The following NCKAP5 variants were observed in gnomAD, a reference collection of about 807,000 sequenced individuals.
The protein encoded by NCKAP5 is nck-associated protein 5.
A neutral mutation model predicts 167.0 loss-of-function variants in NCKAP5; 92 were observed. The observed-to-expected ratio is 0.55, with a 90% CI of 0.47 to 0.66. The LOEUF (loss-of-function observed/expected upper bound fraction) is 0.66, where lower values mean the gene tolerates loss of function less well. Ranked by LOEUF, NCKAP5 falls within the 30% of genes least tolerant of loss-of-function variation. NCKAP5 has a pLI of 0.00. For missense variants in NCKAP5, 2,378 were observed against 2,315.0 expected, an observed-to-expected ratio of 1.03 and a Z score of -0.56; for synonymous variants, 891 against 877.4, an observed-to-expected ratio of 1.02 and a Z score of -0.27.
At chr2:132,701,023 G>A (rs1470148403) in intron 19 of NCKAP5, among the ~76,000 whole-genome samples, 1 of 150,640 alleles carries the variant, frequency 6.6e-6, no homozygotes, top group Non-Finnish European at 1.5e-5. Flanking sequence ...ATAGGTCTGT[G>A]GGTAGGAAGC....
chr2:132,889,698 C>T (rs1055162440), intron 8 of NCKAP5, among the ~76,000 whole-genome samples: 8 of 152,116 alleles, frequency 5.3e-5, no homozygotes, highest in Admixed American at 6.5e-5. Flanking sequence ...AAAATGACAC[C>T]TGACTTGTAT....
the NCKAP5 span, among the ~76,000 whole-genome samples, chr2:133,662,358 GTATA>G: frequency 6.6e-6 from 1 of 151,818 alleles, no homozygotes; most frequent in Non-Finnish European, 1.5e-5. Context: ...TTTTAAGTGT[GTATA>G]TGGCCTTTCT....
At chr2:133,447,858 G>T (rs1691303391) in intron 3 of NCKAP5, among the ~76,000 whole-genome samples, 1 of 152,068 alleles carries the variant, frequency 6.6e-6, no homozygotes, top group Admixed American at 6.6e-5. Context: ...CCTTCATCAG[G>T]GTTCTCTAAA....
intron 3 of NCKAP5, among the ~76,000 whole-genome samples, chr2:133,515,116 C>G (rs1461122810): frequency 6.6e-6 from 1 of 152,052 alleles, no homozygotes; most frequent in Admixed American, 6.6e-5. Flanking sequence ...AGTTCAGATC[C>G]CTCACAGGCC....
intron 4 of NCKAP5, among the ~76,000 whole-genome samples, chr2:133,269,255 T>C (rs2089399796): frequency 6.6e-6 from 1 of 152,212 alleles, no homozygotes; most frequent in Admixed American, 6.5e-5. Flanking sequence ...TTTTTTACCT[T>C]GTGGAGCTTA....
chr2:133,064,005 T>A (rs935252325), intron 6 of NCKAP5, among the ~76,000 whole-genome samples: 1 of 152,168 alleles, frequency 6.6e-6, no homozygotes, highest in Non-Finnish European at 1.5e-5. Flanking sequence ...CATCGTTTCT[T>A]AGCAGTTGTT....
In NCKAP5 at chr2:132,782,897, G is replaced by T. The variant is rs1360827346; in HGVS notation, c.3914C>A (p.Thr1305Asn). 6.2e-7 allele frequency: 1 copy of T among 1,614,010 alleles called. No homozygotes were observed. Among genetic ancestry groups the T allele is most frequent in the South Asian group, 1.1e-5 (1 of 91,078 alleles). ...GGTAAGAGAATTGCCTCTCTCGGCG[G>T]TATTGGTAATGATCTGAGTGCGGAC... ...GKVRTQIITN[T>N]AERGNSLTRQ... is the part of the protein sequence containing the mutation. The change falls in exon 14 of 20, where the codon ACC (threonine) becomes AAC (asparagine). Residue 1305 changes from threonine (T) to asparagine (N), a missense_variant. By Grantham distance (65) the Thr-to-Asn change is moderately conservative (BLOSUM62 0). Around this residue, in one of 3 missense-constraint regions of NCKAP5, gnomAD observed 1,325 missense variants for 1,274.5 expected, o/e 1.04. Coordinates refer to ENST00000409261, the MANE Select transcript of NCKAP5 (RefSeq NM_207363.3).
chr2:133,526,267 GGGAGGGAGGGAAGGAGGGAGGGAGGGAA>G, intron 2 of NCKAP5, among the ~76,000 whole-genome samples: 1 of 37,616 alleles, frequency 2.7e-5, no homozygotes, highest in Non-Finnish European at 5.3e-5. Flanking sequence ...GAGGGAAGGA[GGGAGGGAGGGAAGGAGGGAGGGAGGGAA>G]GGAGGGAGGG....
the NCKAP5 span, among the ~76,000 whole-genome samples, chr2:133,585,875 T>A: frequency 6.6e-6 from 1 of 152,216 alleles, no homozygotes; most frequent in South Asian, 2.1e-4. Context: ...TTCAGAAATA[T>A]TTCTAGAGAA....
At chr2:133,266,670 C>T (rs955768342) in intron 4 of NCKAP5, among the ~76,000 whole-genome samples, 2 of 152,164 alleles carry the variant, frequency 1.3e-5, no homozygotes, top group Admixed American at 1.3e-4. Flanking sequence ...CGGAGGCAGC[C>T]TGGGCCACGC....
the NCKAP5 span, among the ~76,000 whole-genome samples, chr2:133,626,174 T>A: frequency 6.6e-6 from 1 of 152,172 alleles, no homozygotes; most frequent in Non-Finnish European, 1.5e-5. Context: ...CCATATGAAT[T>A]ATTAAATATA....
Position 133,549,924 on chromosome 2 carries a change from G to C in NCKAP5, c.-62+9126C>G, listed in dbSNP as rs1466932165. ...AAATGATAAAGGGGATATCACCACC[G>C]ATCCCACAGAAATACAAACTACCAT... On this transcript the variant is annotated intron_variant, in intron 2 of 19. Transcript: ENST00000409261. Among the ~76,000 whole-genome samples, 6 of 139,230 alleles carry C rather than the reference G, an allele frequency of 4.3e-5. No individual in the cohort carries two copies. In the East Asian group the frequency reaches 1.3e-3, roughly 30 times the overall value. The allele number at this position is 139,230 out of a possible 152,430, so 91.3% of individuals were successfully genotyped here.
intron 4 of NCKAP5, among the ~76,000 whole-genome samples, chr2:133,269,855 A>C (rs144395141): frequency 3.9e-5 from 6 of 152,334 alleles, no homozygotes; most frequent in African/African-American, 1.4e-4. Flanking sequence ...TGATAGCAAG[A>C]AAGATAATGA....
chr2:132,962,692 G>A (rs765117993), intron 8 of NCKAP5, among the ~76,000 whole-genome samples: 21 of 152,130 alleles, frequency 1.4e-4, no homozygotes, highest in Admixed American at 1.0e-3. Flanking sequence ...CCAGGTTCAC[G>A]CCATTCTCCT....
chr2:132,898,711 A>G (rs1341670134), intron 8 of NCKAP5, among the ~76,000 whole-genome samples: 5 of 152,234 alleles, frequency 3.3e-5, no homozygotes, highest in African/African-American at 7.2e-5. Flanking sequence ...GGCAAGGTAC[A>G]TAGTTTATGA....
intron 3 of NCKAP5, among the ~76,000 whole-genome samples, chr2:133,345,894 G>T (rs1438282521): frequency 6.6e-6 from 1 of 152,110 alleles, no homozygotes. Context: ...GCACAGAGAT[G>T]GAAGATGACT....
At chr2:133,211,004 C>A (rs2086190444) in intron 5 of NCKAP5, among the ~76,000 whole-genome samples, 2 of 150,474 alleles carry the variant, frequency 1.3e-5, no homozygotes, top group African/African-American at 4.9e-5. Context: ...CCTACCCCCC[C>A]AACCCCATCA....
At chr2:133,445,677 C>A (rs1245770657) in intron 3 of NCKAP5, among the ~76,000 whole-genome samples, 1 of 152,062 alleles carries the variant, frequency 6.6e-6, no homozygotes, top group African/African-American at 2.4e-5. Context: ...GCGATTCCAC[C>A]TGGTCCCAGA....
chr2:132,895,280 G>A (rs1359064609), intron 8 of NCKAP5, among the ~76,000 whole-genome samples: 7 of 149,480 alleles, frequency 4.7e-5, no homozygotes, highest in Non-Finnish European at 7.4e-5. Flanking sequence ...GCGGTGAGCC[G>A]AGATCGCGTC....
Sources: allele counts gnomAD v4.1 joint callset (sites outside exome capture counted in the v4.1 genomes callset), GRCh38; gene constraint gnomAD v4.1.1; regional missense constraint gnomAD v4.1.1; transcripts MANE v1.5; gene names NCBI Gene and HGNC (gene_info 2026-07-23, HGNC 2026-07-21).